The following MAN1A1 variants were observed in gnomAD, a reference collection of about 807,000 sequenced individuals.
MAN1A1 encodes the protein mannosyl-oligosaccharide 1,2-alpha-mannosidase IA.
In MAN1A1, 29 loss-of-function variants were observed where a neutral mutation model predicts 70.8. The ratio of observed to expected loss-of-function variants is 0.41; its 90% CI spans 0.31 to 0.56. The LOEUF (loss-of-function observed/expected upper bound fraction) is 0.56, where lower values mean the gene tolerates loss of function less well. Ranked by LOEUF, MAN1A1 falls within the 20% of genes least tolerant of loss-of-function variation. MAN1A1 has a pLI of 0.29. For missense variants in MAN1A1, 747 were observed against 841.3 expected (o/e 0.89, Z 1.39); for synonymous variants, 349 against 330.1 (o/e 1.06, Z -0.62).
intron 2 of MAN1A1, among the ~76,000 whole-genome samples, chr6:119,343,820 A>T (rs1364891004): frequency 6.6e-6 from 1 of 152,230 alleles, no homozygotes; most frequent in Non-Finnish European, 1.5e-5. Flanking sequence ...AAGATTATAA[A>T]GAAAGAAATT....
intron 11 of MAN1A1, among the ~76,000 whole-genome samples, chr6:119,188,086 G>A (rs1773341868): frequency 6.6e-6 from 1 of 152,176 alleles, no homozygotes; most frequent in African/African-American, 2.4e-5. Context: ...AATACCCCAA[G>A]CTGCCAACAA....
intron 2 of MAN1A1, among the ~76,000 whole-genome samples, chr6:119,334,433 T>C (rs1773400762): frequency 6.6e-6 from 1 of 152,248 alleles, no homozygotes; most frequent in Admixed American, 6.5e-5. Flanking sequence ...GGTTGAATCA[T>C]AAGAACTTAA....
chr6:119,196,751 C>A lies in MAN1A1; in HGVS notation c.1211-2859G>T, dbSNP rs116114592. ...CTTTTAAAATTTTTGTTGACTTCAT[C>A]TGAATTTCTCTCTTTGAAACAATCC... On this transcript the variant is annotated intron_variant, in intron 8 of 12. Transcript: ENST00000368468. 4.2e-3 allele frequency among the ~76,000 whole-genome samples: 642 copies of A among 152,242 alleles called. 7 individuals carry two copies. Among genetic ancestry groups the A allele is most frequent in the African/African-American group, 0.015 (629 of 41,548 alleles).
chr6:119,187,961 A>C (rs1773338656), intron 11 of MAN1A1, among the ~76,000 whole-genome samples: 1 of 152,242 alleles, frequency 6.6e-6, no homozygotes, highest in Non-Finnish European at 1.5e-5. Context: ...TTCTTCTATA[A>C]GTGCTTTCTA....
At position 119,192,674 on chromosome 6, in the gene MAN1A1, T is replaced by C. The variant is rs116148103; in HGVS notation, c.1326+1103A>G. ...CTAAGCTGTCAAGAAAAATAAAATT[T>C]TTCTGAGGACTGAGCCACTATTTTA... On this transcript the variant is annotated intron_variant, in intron 9 of 12. Coordinates refer to ENST00000368468, the MANE Select transcript of MAN1A1 (RefSeq NM_005907.4). Among the ~76,000 whole-genome samples the C allele has an allele frequency of 2.8e-3, 423 of 152,250 alleles. 4 individuals carry two copies. Among genetic ancestry groups the C allele is most frequent in the African/African-American group, 9.4e-3 (390 of 41,546 alleles).
intron 5 of MAN1A1, among the ~76,000 whole-genome samples, chr6:119,263,916 T>C (rs1775679784): frequency 1.3e-5 from 2 of 152,234 alleles, no homozygotes; most frequent in African/African-American, 4.8e-5. Flanking sequence ...TTTGTAAGAC[T>C]TCAAGAAGAA....
chr6:119,244,348 T>C (rs1021333277), intron 6 of MAN1A1, among the ~76,000 whole-genome samples: 39 of 152,112 alleles, frequency 2.6e-4, no homozygotes, highest in African/African-American at 9.2e-4. Context: ...GATTTTCTTT[T>C]AGCAGAGGTG....
intron 2 of MAN1A1, among the ~76,000 whole-genome samples, chr6:119,316,774 T>C (rs1026736995): frequency 2.0e-5 from 3 of 152,112 alleles, no homozygotes; most frequent in African/African-American, 7.2e-5. Flanking sequence ...GCTTTTTCTT[T>C]TAGATTCCTT....
At chr6:119,232,231 G>T (rs1382254079) in intron 6 of MAN1A1, among the ~76,000 whole-genome samples, 1 of 151,918 alleles carries the variant, frequency 6.6e-6, no homozygotes, top group African/African-American at 2.4e-5. Flanking sequence ...AAATTAGCCG[G>T]GCGTGGTGGT....
intron 6 of MAN1A1, among the ~76,000 whole-genome samples, chr6:119,223,185 CTGAAA>C (rs1299379844): frequency 6.6e-6 from 1 of 151,966 alleles, no homozygotes; most frequent in Non-Finnish European, 1.5e-5. Context: ...TTTGTATTTA[CTGAAA>C]TAAGTCTAAT....
intron 5 of MAN1A1, among the ~76,000 whole-genome samples, chr6:119,283,701 G>A (rs554777597): frequency 1.4e-4 from 22 of 151,772 alleles, no homozygotes; most frequent in Admixed American, 1.4e-3. Flanking sequence ...GGCTTGGTGC[G>A]TTTTTTGGAA....
chr6:119,219,640 AT>A (rs1246719677), intron 6 of MAN1A1, among the ~76,000 whole-genome samples: 3 of 143,934 alleles, frequency 2.1e-5, no homozygotes, highest in Non-Finnish European at 4.6e-5. Context: ...AAAAAAAAAA[AT>A]TCACCAAATG....
At chr6:119,262,242 T>A (rs1775632174) in intron 5 of MAN1A1, among the ~76,000 whole-genome samples, 1 of 152,132 alleles carries the variant, frequency 6.6e-6, no homozygotes, top group Admixed American at 6.5e-5. Flanking sequence ...AGAGTAAAAG[T>A]GAGGTACTGT....
chr6:119,315,859 T>C (rs530367239), intron 2 of MAN1A1, among the ~76,000 whole-genome samples: 247 of 152,368 alleles, frequency 1.6e-3, no homozygotes, highest in Non-Finnish European at 2.8e-3. Flanking sequence ...GGTTGATGAC[T>C]ATGGTCTCCA....
chr6:119,308,546 T>C (rs1215110525), intron 2 of MAN1A1, among the ~76,000 whole-genome samples: 1 of 152,182 alleles, frequency 6.6e-6, no homozygotes, highest in African/African-American at 2.4e-5. Context: ...ACAGGATGCA[T>C]GTAAGGAATA....
At chr6:119,194,717 G>A (rs1378231175) in intron 8 of MAN1A1, among the ~76,000 whole-genome samples, 1 of 152,116 alleles carries the variant, frequency 6.6e-6, no homozygotes, top group African/African-American at 2.4e-5. Context: ...GGCAGAAGAA[G>A]AAGTTTTTCC....
At chr6:119,186,876 A>G (rs893690374) in intron 11 of MAN1A1, among the ~76,000 whole-genome samples, 1 of 152,202 alleles carries the variant, frequency 6.6e-6, no homozygotes, top group African/African-American at 2.4e-5. Flanking sequence ...GCTCACCACT[A>G]TAGCTCAGGT....
chr6:119,185,754 T>C (rs1773271923), intron 11 of MAN1A1, among the ~76,000 whole-genome samples: 1 of 151,728 alleles, frequency 6.6e-6, no homozygotes, highest in Non-Finnish European at 1.5e-5. Flanking sequence ...TTTTTTTTTG[T>C]ACTTTTAGTA....
intron 4 of MAN1A1, among the ~76,000 whole-genome samples, chr6:119,293,456 C>A (rs1281909231): frequency 6.6e-6 from 1 of 152,068 alleles, no homozygotes; most frequent in Non-Finnish European, 1.5e-5. Context: ...AGAAGCAAAT[C>A]TGGTTTGTTA....
Sources: allele counts gnomAD v4.1 joint callset (sites outside exome capture counted in the v4.1 genomes callset), GRCh38; gene constraint gnomAD v4.1.1; transcripts MANE v1.5; gene names NCBI Gene and HGNC (gene_info 2026-07-23, HGNC 2026-07-21).